The following AVL9 variants were observed in gnomAD, a reference collection of about 807,000 sequenced individuals.
AVL9 encodes the protein AVL9 cell migration associated, also known as late secretory pathway protein AVL9 homolog.
AVL9 carries 49 observed loss-of-function variants against 79.2 expected under a neutral mutation model. The observed-to-expected ratio is 0.62, with a 90% CI of 0.49 to 0.79. The LOEUF is 0.79. Among genes scored for constraint, AVL9 ranks in the 30% least tolerant of loss-of-function variants. The pLI, the probability that AVL9 is intolerant of heterozygous loss-of-function variation, is 0.00. For synonymous variants in AVL9, 299 were observed against 280.6 expected (o/e 1.07, Z -0.65); for missense variants, 682 against 776.8 (o/e 0.88, Z 1.45).
intron 1 of AVL9, among the ~76,000 whole-genome samples, chr7:32,509,150 GCTAA>G (rs1787541131): frequency 6.6e-6 from 1 of 152,172 alleles, no homozygotes; most frequent in African/African-American, 2.4e-5. Context: ...CGTGGAAGCA[GCTAA>G]CTGAGAGGGA....
chr7:32,506,219 AT>A lies in AVL9; in HGVS notation c.93+10424del, dbSNP rs200845579. Among the ~76,000 whole-genome samples the A allele has an allele frequency of 7.9e-5, 12 of 152,114 alleles. No homozygotes were observed. The East Asian group carries it at 1.9e-3, about 24-fold the overall frequency. On this transcript the variant is annotated intron_variant, in intron 1 of 15. Coordinates refer to ENST00000318709, the MANE Select transcript of AVL9 (RefSeq NM_015060.3). The stretch of plus-strand genomic sequence containing the variant: ...TAAAAATTTTAAACTTTTTAAACAA[AT>A]TTTTTTAAACATTTAGAAATCAGTC...
chr7:32,570,263 T>C, intron 11 of AVL9, 109 bp downstream of exon 11: 1 of 1,376,594 alleles, frequency 7.3e-7, no homozygotes, highest in South Asian at 1.3e-5. Flanking sequence ...AATAACTGCA[T>C]ACTGTATGCC....
At position 32,495,789 on chromosome 7, in the gene AVL9, A is replaced by G; in HGVS notation, c.80A>G (p.Lys27Arg). The part of the protein sequence containing the change: ...LHIVVVGFHH[K>R]KGCQVEFSYP... ...ATCGTGGTGGTCGGATTTCACCACA[A>G]GAAGGGCTGCCAGGTGAGGAAAGGG... The change falls in exon 1 of 16, where the codon AAG becomes AGG. Residue 27 changes from lysine (K) to arginine (R), a missense_variant. By Grantham distance (26) the Lys-to-Arg change is conservative. Coordinates refer to ENST00000318709, the MANE Select transcript of AVL9 (RefSeq NM_015060.3). The G allele has an allele frequency of 7.9e-6, 10 of 1,259,346 alleles. No individual in the cohort carries two copies. The highest frequency in any genetic ancestry group is 3.4e-5 in the South Asian group (1 of 29,146). 78.0% of individuals were successfully genotyped at this position (1,259,346 alleles called of 1,614,324 possible). A position where few individuals can be genotyped will look rare whatever the true frequency, so the allele number is the denominator to read the frequency against.
chr7:32,558,911 T>C lies in AVL9; in HGVS notation c.680-18T>C, dbSNP rs1289271952. 2 of 1,548,172 alleles carry C rather than the reference T, an allele frequency of 1.3e-6. No individual in the cohort carries two copies. The highest frequency in any genetic ancestry group is 4.1e-5 in the Admixed American group (2 of 49,066). ...TATTATTATAAGCCAAGCTGTTCTTTGATATTGCATATTTTAGGCATGATT... is the reference window on the plus strand; with the variant it reads ...TATTATTATAAGCCAAGCTGTTCTTCGATATTGCATATTTTAGGCATGATT... On this transcript the variant is annotated intron_variant, in intron 9 of 15. Transcript: ENST00000318709.
intron 14 of AVL9, 84 bp downstream of exon 14, chr7:32,580,356 C>T: frequency 9.1e-7 from 1 of 1,101,460 alleles, no homozygotes. Context: ...AATTGTTTTT[C>T]TCTACTTGAT....
intron 3 of AVL9, among the ~76,000 whole-genome samples, chr7:32,548,151 CT>C (rs1554340933): frequency 4.0e-4 from 53 of 131,570 alleles, no homozygotes; most frequent in Non-Finnish European, 4.3e-4. Flanking sequence ...TCTCTTTTTT[CT>C]TTTTTTTTTT....
At chr7:32,516,517 T>C (rs1466979420) in intron 1 of AVL9, among the ~76,000 whole-genome samples, 1 of 152,168 alleles carries the variant, frequency 6.6e-6, no homozygotes, top group African/African-American at 2.4e-5. Flanking sequence ...CCTGGATTAC[T>C]AGGGGCTAAG....
intron 1 of AVL9, among the ~76,000 whole-genome samples, chr7:32,505,244 G>T (rs1005203331): frequency 6.6e-6 from 1 of 151,580 alleles, no homozygotes; most frequent in South Asian, 2.1e-4. Flanking sequence ...TAAACGCTTC[G>T]GCTGGGCGTG....
chr7:32,552,177 T>A, intron 5 of AVL9, 52 bp from the exon 6 acceptor site: 1 of 1,137,910 alleles, frequency 8.8e-7, no homozygotes, highest in Non-Finnish European at 1.3e-6. Context: ...ATATTTCTAA[T>A]TCAGATCTAA....
At chr7:32,545,288 G>A (rs1324388222) in intron 3 of AVL9, among the ~76,000 whole-genome samples, 1 of 148,166 alleles carries the variant, frequency 6.7e-6, no homozygotes, top group Non-Finnish European at 1.5e-5. Context: ...TTTTTAAGCA[G>A]CATTTCAGAA....
chr7:32,508,016 G>C (rs973188064), intron 1 of AVL9, among the ~76,000 whole-genome samples: 2 of 152,070 alleles, frequency 1.3e-5, no homozygotes, highest in Non-Finnish European at 2.9e-5. Flanking sequence ...TGGTCATTGG[G>C]CTATCCTCTT....
intron 5 of AVL9, among the ~76,000 whole-genome samples, 182 bp downstream of exon 5, chr7:32,551,605 C>T (rs1156598285): frequency 9.9e-4 from 93 of 93,732 alleles, no homozygotes; most frequent in South Asian, 2.0e-3. Flanking sequence ...TTTAACCAAA[C>T]TTTTTTTTTT....
intron 10 of AVL9, among the ~76,000 whole-genome samples, chr7:32,564,005 C>T (rs1200950270): frequency 6.6e-6 from 1 of 152,178 alleles, no homozygotes; most frequent in African/African-American, 2.4e-5. Flanking sequence ...TGTGTTATGA[C>T]TTCCTATACC....
intron 1 of AVL9, among the ~76,000 whole-genome samples, chr7:32,509,457 T>G (rs769780439): frequency 6.6e-6 from 1 of 152,120 alleles, no homozygotes; most frequent in African/African-American, 2.4e-5. Flanking sequence ...GAAAACAGAT[T>G]AACGCTTTTT....
At chr7:32,561,267 GT>G (rs1320353317) in intron 10 of AVL9, among the ~76,000 whole-genome samples, 1 of 152,340 alleles carries the variant, frequency 6.6e-6, no homozygotes, top group South Asian at 2.1e-4. Context: ...ATAGAAAGCT[GT>G]TTTGTCTTTA....
At chr7:32,540,871 C>CTTTTTTT (rs749306635) in intron 1 of AVL9, among the ~76,000 whole-genome samples, 4 of 72,470 alleles carry the variant, frequency 5.5e-5, no homozygotes, top group African/African-American at 1.4e-4. Flanking sequence ...TGTTGTACTA[C>CTTTTTTT]TTTTTTTTTT....
At chr7:32,571,520 T>C (rs1313004851) in intron 11 of AVL9, among the ~76,000 whole-genome samples, 1 of 151,750 alleles carries the variant, frequency 6.6e-6, no homozygotes, top group African/African-American at 2.4e-5. Context: ...AGAGTGAAAT[T>C]CTGTCTCAAA....
intron 1 of AVL9, chr7:32,538,749 T>A (rs759908018): frequency 6.6e-6 from 1 of 152,120 alleles, no homozygotes; most frequent in Non-Finnish European, 1.5e-5. Flanking sequence ...ATATACAGAA[T>A]CATACTACAG....
intron 10 of AVL9, among the ~76,000 whole-genome samples, chr7:32,565,581 G>T (rs914119916): frequency 3.4e-5 from 5 of 148,484 alleles, no homozygotes; most frequent in Admixed American, 6.7e-5. Context: ...AAGAAAGAAA[G>T]AAATTACCTC....
Sources: gnomAD v4.1 joint callset for allele counts (sites outside exome capture counted in the v4.1 genomes callset) on GRCh38, gnomAD v4.1.1 for gene constraint, MANE v1.5 for transcripts, NCBI Gene and HGNC (gene_info 2026-07-23, HGNC 2026-07-21) for gene names.